Variants in MYOM1 observed in about 807,000 individuals in gnomAD.
MYOM1 encodes the protein myomesin 1.
In MYOM1, 164 loss-of-function variants were observed where a neutral mutation model predicts 205.3. That is an observed-to-expected ratio of 0.80 (90% CI 0.70 to 0.91). The LOEUF (loss-of-function observed/expected upper bound fraction) is 0.91, where lower values mean the gene tolerates loss of function less well. MYOM1 is among the 40% of genes least tolerant of loss of function. The pLI, the probability that MYOM1 is intolerant of heterozygous loss-of-function variation, is 0.00. For synonymous variants in MYOM1, 772 were observed against 789.4 expected (o/e 0.98, Z 0.37); for missense variants, 2,011 against 2,127.3 (o/e 0.95, Z 1.08).
In MYOM1 at chr18:3,135,107, G is replaced by C. The variant is rs1411986536; in HGVS notation, c.2210-283C>G. ...GGAATTACCAGGCATGTGCCACAAC[G>C]CCTGGCTAATTTTTGTGTTTTCAGT... On this transcript the variant is annotated intron_variant, in intron 15 of 37. Coordinates refer to ENST00000356443, the MANE Select transcript of MYOM1 (RefSeq NM_003803.4). This position sits in a 1 kb window ranked among gnomAD's most constrained non-coding sequence, Gnocchi z 4.1. 8.2e-6 allele frequency: 3 copies of C among 365,128 alleles called. No individual in the cohort carries two copies. The East Asian group carries it at 1.9e-4, about 23-fold the overall frequency. 22.6% of individuals were successfully genotyped at this position (365,128 alleles called of 1,614,324 possible).
chr18:3,163,963 C>T (rs1267765373), intron 10 of MYOM1, among the ~76,000 whole-genome samples: 4 of 151,906 alleles, frequency 2.6e-5, no homozygotes, highest in African/African-American at 9.7e-5. Context: ...AGTGATCCTC[C>T]CTCTTCAGCC....
chr18:3,185,636 G>A (rs2080799175), intron 5 of MYOM1, among the ~76,000 whole-genome samples: 1 of 152,122 alleles, frequency 6.6e-6, no homozygotes, highest in African/African-American at 2.4e-5. Flanking sequence ...GCAGGCAAAG[G>A]CAGAGTGATT....
At chr18:3,080,147 T>C (rs780672120) in intron 33 of MYOM1, among the ~76,000 whole-genome samples, 19 of 152,092 alleles carry the variant, frequency 1.2e-4, no homozygotes, top group Non-Finnish European at 2.1e-4. Context: ...AAAAGTGGCA[T>C]ACAAAATGAC....
chr18:3,232,372 C>T, the MYOM1 span, among the ~76,000 whole-genome samples: 1 of 151,716 alleles, frequency 6.6e-6, no homozygotes, highest in Non-Finnish European at 1.5e-5. Flanking sequence ...TAATCAATAA[C>T]CACTTTACTA....
intron 5 of MYOM1, 102 bp downstream of exon 5, chr18:3,187,378 T>C: frequency 1.6e-6 from 2 of 1,276,040 alleles, no homozygotes; most frequent in Non-Finnish European, 2.2e-6. Flanking sequence ...ATCTTGTAGA[T>C]GTCTTCATTG....
intron 23 of MYOM1, among the ~76,000 whole-genome samples, chr18:3,100,699 T>C (rs1197346174): frequency 4.6e-5 from 7 of 152,178 alleles, no homozygotes; most frequent in African/African-American, 7.2e-5. Flanking sequence ...TATCAGTGCA[T>C]ATCCTGCAGA....
intron 33 of MYOM1, among the ~76,000 whole-genome samples, chr18:3,082,769 C>T (rs2079098968): frequency 6.6e-6 from 1 of 152,170 alleles, no homozygotes; most frequent in African/African-American, 2.4e-5. Flanking sequence ...AAACTGATTT[C>T]AGCTCTTGGA....
intron 21 of MYOM1, among the ~76,000 whole-genome samples, chr18:3,114,544 ATTTTTTTT>A (rs5822738): frequency 6.8e-5 from 6 of 88,374 alleles, no homozygotes; most frequent in South Asian, 4.0e-4. Context: ...TGGTCAGCTA[ATTTTTTTT>A]TTTTTTTTTT....
intron 4 of MYOM1, among the ~76,000 whole-genome samples, chr18:3,188,120 T>C (rs1440618850): frequency 6.6e-6 from 1 of 152,008 alleles, no homozygotes; most frequent in Non-Finnish European, 1.5e-5. Flanking sequence ...GGATTACAGG[T>C]GTGAGCCGCC....
intron 2 of MYOM1, among the ~76,000 whole-genome samples, chr18:3,214,713 C>T (rs1266987997): frequency 1.3e-5 from 2 of 152,176 alleles, no homozygotes; most frequent in Non-Finnish European, 2.9e-5. Flanking sequence ...ATCCCAGCTA[C>T]TCGGGAGGCG....
At chr18:3,139,121 C>G (rs932408713) in intron 14 of MYOM1, among the ~76,000 whole-genome samples, 1 of 152,160 alleles carries the variant, frequency 6.6e-6, no homozygotes, top group African/African-American at 2.4e-5. Context: ...CTCTACAAAA[C>G]ACTTAAAAAT....
intron 33 of MYOM1, among the ~76,000 whole-genome samples, chr18:3,083,073 AG>A (rs2079103409): frequency 6.6e-6 from 1 of 152,234 alleles, no homozygotes; most frequent in Non-Finnish European, 1.5e-5. Flanking sequence ...ATAGAAAGAA[AG>A]GTAAGAATGT....
intron 19 of MYOM1, among the ~76,000 whole-genome samples, chr18:3,123,827 A>ATTTTTTTTTTTTTTTTTTTTTT (rs5822739): frequency 6.8e-6 from 1 of 147,384 alleles, no homozygotes; most frequent in African/African-American, 2.6e-5. Flanking sequence ...ATTTTTATTT[A>ATTTTTTTTTTTTTTTTTTTTTT]TTTATTTTTT....
chr18:3,245,976 G>C, the MYOM1 span: 1 of 151,970 alleles, frequency 6.6e-6, no homozygotes, highest in Non-Finnish European at 1.5e-5. Context: ...ACTATGTTCT[G>C]CTCCGGAAAG....
chr18:3,131,295 T>A, intron 17 of MYOM1, 80 bp downstream of exon 17: 5 of 1,499,328 alleles, frequency 3.3e-6, no homozygotes, highest in Non-Finnish European at 4.6e-6. Context: ...AGCTAAATAA[T>A]TTCTGGAGAG....
Position 3,083,772 on chromosome 18 carries a change from A to G in MYOM1, c.4484+17T>C. On this transcript the variant is annotated intron_variant, in intron 33 of 37. Coordinates refer to ENST00000356443, the MANE Select transcript of MYOM1 (RefSeq NM_003803.4). ...GGAAAGAATTTCTACACAGCAAGTA[A>G]GTTCTCATTTACTTACTTGTGGGAC... 6.5e-7 allele frequency: 1 copy of G among 1,545,356 alleles called. No individual in the cohort carries two copies. Among genetic ancestry groups the G allele is most frequent in the Non-Finnish European group, 8.8e-7 (1 of 1,140,040 alleles).
At chr18:3,245,646 A>G in the MYOM1 span, among the ~76,000 whole-genome samples, 2 of 152,218 alleles carry the variant, frequency 1.3e-5, no homozygotes, top group Non-Finnish European at 2.9e-5. Flanking sequence ...GAATGAACAC[A>G]GACTACACAA....
At position 3,168,909 on chromosome 18, in the gene MYOM1, C is replaced by T; in HGVS notation, c.1247G>A (p.Gly416Glu). 1 of 1,613,760 alleles carries T rather than the reference C, an allele frequency of 6.2e-7. No homozygotes were observed. The highest frequency in any genetic ancestry group is 1.1e-5 in the South Asian group (1 of 91,064). ...TAGACTCATTGTCTCTCCCTCTCTC[C>T]CAAAAGACACATCAAATTTGTCATC... ...HFDDKFDVSFGREGETMSLGC... is the reference protein window; with the variant it reads ...HFDDKFDVSFEREGETMSLGC... Residue 416 changes from glycine (G) to glutamate (E), a missense_variant, in exon 9 of 38, where the codon GGG (glycine) becomes GAG (glutamate). By Grantham distance (98) the Gly-to-Glu change is moderately conservative. Coordinates refer to ENST00000356443, the MANE Select transcript of MYOM1 (RefSeq NM_003803.4).
rs905236630 is a variant in MYOM1, at chr18:3,188,666, T to C, written c.771+82A>G. 3.6e-6 allele frequency: 4 copies of C among 1,114,072 alleles called. No homozygotes were observed. The African/African-American group carries it at 6.5e-5, about 18-fold the overall frequency. The allele number at this position is 1,114,072 out of a possible 1,614,324, so 69.0% of individuals were successfully genotyped here. A position where few individuals can be genotyped will look rare whatever the true frequency, so the allele number is the denominator to read the frequency against. On this transcript the variant is annotated intron_variant, in intron 4 of 37. Coordinates refer to ENST00000356443, the MANE Select transcript of MYOM1 (RefSeq NM_003803.4). The stretch of plus-strand genomic sequence containing the variant: ...AAAAAGAAACAAATCAATCTATATC[T>C]ACACACACACACACACACACACACA...
Sources: gnomAD v4.1 joint callset for allele counts (sites outside exome capture counted in the v4.1 genomes callset) on GRCh38, gnomAD v4.1.1 for gene constraint, Gnocchi (gnomAD v3.1) non-coding constraint, MANE v1.5 for transcripts, NCBI Gene and HGNC (gene_info 2026-07-23, HGNC 2026-07-21) for gene names.